Variants in ONECUT2 observed in about 807,000 individuals in gnomAD.
ONECUT2 encodes one cut domain family member 2.
A neutral mutation model predicts 27.9 loss-of-function variants in ONECUT2; 10 were observed. The observed-to-expected ratio is 0.36, with a 90% CI of 0.22 to 0.61. The LOEUF (loss-of-function observed/expected upper bound fraction) is 0.61. ONECUT2 is among the 20% of genes least tolerant of loss of function. The pLI is 0.73. For synonymous variants in ONECUT2, 334 were observed against 315.1 expected (o/e 1.06, Z -0.64); for missense variants, 686 against 721.0 (o/e 0.95, Z 0.56).
At position 57,435,699 on chromosome 18, in the gene ONECUT2, CGG is replaced by C; in HGVS notation, c.-16_-15del. ...CCGCCCCCGCCGCCCCCGCCGCCCC[CGG>C]GCCCTGATGGACTGAATGAAGGCTG... On this transcript the variant is annotated 5_prime_UTR_variant, in exon 1 of 2. Coordinates refer to ENST00000491143, the MANE Select transcript of ONECUT2 (RefSeq NM_004852.3). 4.5e-6 allele frequency: 5 copies of C among 1,112,840 alleles called. No homozygotes were observed. Among genetic ancestry groups the C allele is most frequent in the African/African-American group, 1.7e-5 (1 of 59,142 alleles). The allele number at this position is 1,112,840 out of a possible 1,614,324, so 68.9% of individuals were successfully genotyped here.
chr18:57,477,495 A>G lies in ONECUT2; in HGVS notation c.*772A>G, dbSNP rs1053321358. Reference sequence around the variant, plus strand: ...TTCACTTGCGCTCAAAGTATCAAGCACAACAAAGATAAACAGAAGTGAGGA... The same window carrying G: ...TTCACTTGCGCTCAAAGTATCAAGCGCAACAAAGATAAACAGAAGTGAGGA... On this transcript the variant is annotated 3_prime_UTR_variant, in exon 2 of 2. Coordinates refer to ENST00000491143, the MANE Select transcript of ONECUT2 (RefSeq NM_004852.3). 1 of 152,628 alleles carries G rather than the reference A, an allele frequency of 6.6e-6. No homozygotes were observed. Among genetic ancestry groups the G allele is most frequent in the African/African-American group, 2.4e-5 (1 of 41,462 alleles). 9.5% of individuals were successfully genotyped at this position (152,628 alleles called of 1,614,324 possible).
rs3894276 is a variant in ONECUT2 at position 57,477,516 on chromosome 18, G to A, written c.*793G>A. 48,634 of 152,390 alleles carry A rather than the reference G, an allele frequency of 0.32. 8,916 individuals are homozygous for A. The highest frequency in any genetic ancestry group is 0.48 in the African/African-American group (19,738 of 41,450). 9.4% of individuals were successfully genotyped at this position (152,390 alleles called of 1,614,324 possible). ...AAGCACAACAAAGATAAACAGAAGT[G>A]AGGAAGGTTCTGGGTTCACTACATC... is the stretch of plus-strand genomic sequence containing the variant. On this transcript the variant is annotated 3_prime_UTR_variant, in exon 2 of 2. Coordinates refer to ENST00000491143, the MANE Select transcript of ONECUT2 (RefSeq NM_004852.3).
At chr18:57,456,249 G>T (rs1425900498) in intron 1 of ONECUT2, among the ~76,000 whole-genome samples, 3 of 152,178 alleles carry the variant, frequency 2.0e-5, no homozygotes, top group Non-Finnish European at 4.4e-5. Context: ...CACTCCAAAA[G>T]AACTGAAAGC....
At chr18:57,438,092 G>T (rs1169970340) in intron 1 of ONECUT2, among the ~76,000 whole-genome samples, 1 of 152,238 alleles carries the variant, frequency 6.6e-6, no homozygotes, top group Non-Finnish European at 1.5e-5. Context: ...TGTGTGGGCG[G>T]CGGGTGCGCG....
chr18:57,440,634 C>G (rs956707275), intron 1 of ONECUT2, among the ~76,000 whole-genome samples: 1 of 152,212 alleles, frequency 6.6e-6, no homozygotes, highest in Non-Finnish European at 1.5e-5. Context: ...ACCTGATGCC[C>G]GCAGCGGCGG....
In ONECUT2 at chr18:57,436,526, G is replaced by A; in HGVS notation, c.810G>A (p.Leu270=). The A allele has an allele frequency of 6.2e-7, 1 of 1,612,820 alleles. No homozygotes were observed. The highest frequency in any genetic ancestry group is 8.5e-7 in the Non-Finnish European group (1 of 1,179,914). ...TCGACGCGCACCACACTGCCATGCTGACCCGCGGTGAGCAACACCTGTCCC... is the reference window on the plus strand; with the variant it reads ...TCGACGCGCACCACACTGCCATGCTAACCCGCGGTGAGCAACACCTGTCCC... ...PNFDAHHTAM[L]TRGEQHLSRG... The change falls in exon 1 of 2, where the codon CTG becomes CTA. Residue 270 remains leucine, a synonymous_variant. Coordinates refer to ENST00000491143, the MANE Select transcript of ONECUT2 (RefSeq NM_004852.3). The surrounding 1 kb of genome is among the most constrained non-coding windows in gnomAD (Gnocchi z 5.9).
chr18:57,441,599 G>A (rs1336232629), intron 1 of ONECUT2, among the ~76,000 whole-genome samples: 1 of 152,276 alleles, frequency 6.6e-6, no homozygotes, highest in Middle Eastern at 3.2e-3. Context: ...GGTCCGCGAA[G>A]CCAATGCGCT....
In ONECUT2 at chr18:57,435,656, G is replaced by C; in HGVS notation, c.-61G>C. ...CCCGCAGCCGAGCCCCGCCACGCGC[G>C]CCTTGCCCGCCCGCCGGCCGCCCCC... On this transcript the variant is annotated 5_prime_UTR_variant, in exon 1 of 2. Transcript: ENST00000491143. 1.0e-6 allele frequency: 1 copy of C among 981,442 alleles called. No individual in the cohort carries two copies. Among genetic ancestry groups the C allele is most frequent in the Middle Eastern group, 5.2e-4 (1 of 1,920 alleles). The allele number at this position is 981,442 out of a possible 1,614,324, so 60.8% of individuals were successfully genotyped here.
chr18:57,436,188 C>A lies in ONECUT2; in HGVS notation c.472C>A (p.Pro158Thr). 6.2e-7 allele frequency: 1 copy of A among 1,607,360 alleles called. No homozygotes were observed. Among genetic ancestry groups the A allele is most frequent in the Non-Finnish European group, 8.5e-7 (1 of 1,179,322 alleles). The change falls in exon 1 of 2, where the codon CCA (proline) becomes ACA (threonine). Residue 158 changes from proline to threonine, a missense_variant. Around this residue, in one of 4 missense-constraint regions of ONECUT2, gnomAD observed 511 missense variants for 488.1 expected, o/e 1.05. Coordinates refer to ENST00000491143, the MANE Select transcript of ONECUT2 (RefSeq NM_004852.3). The surrounding 1 kb of genome is among the most constrained non-coding windows in gnomAD (Gnocchi z 5.9). ...CACGCTGACACCGCTCCAGCCGCTG[C>A]CACCCATCTCCACCGTGTCTGACAA... ...YTTLTPLQPL[P>T]PISTVSDKFH...
At chr18:57,467,617 A>C (rs1170417807) in intron 1 of ONECUT2, among the ~76,000 whole-genome samples, 3 of 152,068 alleles carry the variant, frequency 2.0e-5, no homozygotes, top group African/African-American at 7.2e-5. Flanking sequence ...CACCCGCCTC[A>C]GCCTCCCGAA....
In ONECUT2 at chr18:57,436,747, C is replaced by A. The variant is rs778900208; in HGVS notation, c.1031C>A (p.Ala344Glu). ...NTKEVAQRIT[A>E]ELKRYSIPQA... ...AAAGAGGTGGCCCAGCGCATCACAGCGGAGCTGAAGCGCTACAGTATCCCC... is the reference window on the plus strand; with the variant it reads ...AAAGAGGTGGCCCAGCGCATCACAGAGGAGCTGAAGCGCTACAGTATCCCC... The change falls in exon 1 of 2, where the codon GCG becomes GAG. Residue 344 changes from alanine to glutamate, a missense_variant. Ala to Glu is a moderately radical substitution (Grantham distance 107). Around this residue, in one of 4 missense-constraint regions of ONECUT2, gnomAD observed 47 missense variants for 86.0 expected, o/e 0.55. Coordinates refer to ENST00000491143, the MANE Select transcript of ONECUT2 (RefSeq NM_004852.3). This position sits in a 1 kb window ranked among gnomAD's most constrained non-coding sequence, Gnocchi z 5.9. 1.7e-5 allele frequency: 27 copies of A among 1,613,978 alleles called. 1 individual carries two copies. The highest frequency in any genetic ancestry group is 3.3e-5 in the South Asian group (3 of 91,086).
At chr18:57,476,258 C>T (rs2050381068) in intron 1 of ONECUT2, among the ~76,000 whole-genome samples, 179 bp from the exon 2 acceptor site, 1 of 152,246 alleles carries the variant, frequency 6.6e-6, no homozygotes, top group Non-Finnish European at 1.5e-5. Flanking sequence ...CCCCCACTCA[C>T]TCACTGATGC....
At chr18:57,447,304 A>G (rs2050205221) in intron 1 of ONECUT2, among the ~76,000 whole-genome samples, 1 of 152,092 alleles carries the variant, frequency 6.6e-6, no homozygotes, top group Non-Finnish European at 1.5e-5. Flanking sequence ...AGCGCCATGG[A>G]GGAACGCTGT....
rs2122156210 is a variant in ONECUT2 at position 57,477,929 on chromosome 18, C to T, written c.*1206C>T. 1 of 152,684 alleles carries T rather than the reference C, an allele frequency of 6.5e-6. No individual in the cohort carries two copies. The highest frequency in any genetic ancestry group is 2.1e-4 in the South Asian group (1 of 4,820). The allele number at this position is 152,684 out of a possible 1,614,324, so 9.5% of individuals were successfully genotyped here. A position where few individuals can be genotyped will look rare whatever the true frequency, so the allele number is the denominator to read the frequency against. ...TGTTACTCATGACTGTCATCTAGTC[C>T]TAAATCTCTTCTGTTGTTGAATCAT... On this transcript the variant is annotated 3_prime_UTR_variant, in exon 2 of 2. Transcript: ENST00000491143.
intron 1 of ONECUT2, among the ~76,000 whole-genome samples, chr18:57,442,244 G>GTTTTTTTTTTTTTT (rs796717767): frequency 1.8e-5 from 2 of 112,104 alleles, no homozygotes; most frequent in African/African-American, 2.8e-5. Flanking sequence ...ATTCTTCTGG[G>GTTTTTTTTTTTTTT]TTTTTTTTTT....
At chr18:57,463,504 G>A (rs1173157143) in intron 1 of ONECUT2, among the ~76,000 whole-genome samples, 1 of 152,236 alleles carries the variant, frequency 6.6e-6, no homozygotes, top group African/African-American at 2.4e-5. Flanking sequence ...AGGAAAGAAG[G>A]AAGGAAGAGA....
chr18:57,438,179 T>C (rs2050154049), intron 1 of ONECUT2, among the ~76,000 whole-genome samples: 1 of 152,176 alleles, frequency 6.6e-6, no homozygotes, highest in Non-Finnish European at 1.5e-5. Flanking sequence ...CCCCGCGCGG[T>C]GTGCGTGGCG....
rs778121953 is a variant in ONECUT2 at position 57,435,816 on chromosome 18, G to C, written c.100G>C (p.Gly34Arg). Residue 34 changes from glycine to arginine, a missense_variant, in exon 1 of 2, where the codon GGG (glycine) becomes CGG (arginine). By Grantham distance (125) the Gly-to-Arg change is moderately radical. Transcript: ENST00000491143. ...AATGGAAAGTCTGGGCACTTTGCAC[G>C]GGCCGGCCGGCGGCGGCAGTGGCGG... ...LTMESLGTLH[G>R]PAGGGSGGGG... 3.5e-6 allele frequency: 4 copies of C among 1,130,842 alleles called. No homozygotes were observed. Among genetic ancestry groups the C allele is most frequent in the Non-Finnish European group, 4.4e-6 (4 of 905,510 alleles). The allele number at this position is 1,130,842 out of a possible 1,614,324, so 70.1% of individuals were successfully genotyped here.
At chr18:57,445,260 A>G (rs1185155798) in intron 1 of ONECUT2, among the ~76,000 whole-genome samples, 1 of 152,230 alleles carries the variant, frequency 6.6e-6, no homozygotes, top group Non-Finnish European at 1.5e-5. Context: ...TAAACACTGA[A>G]GTCACTTGAA....
Sources: gnomAD v4.1 joint callset for allele counts (sites outside exome capture counted in the v4.1 genomes callset) on GRCh38, gnomAD v4.1.1 for gene constraint, gnomAD v4.1.1 regional missense constraint, Gnocchi (gnomAD v3.1) non-coding constraint, MANE v1.5 for transcripts, NCBI Gene and HGNC (gene_info 2026-07-23, HGNC 2026-07-21) for gene names.